PCDHGA3: variants seen among roughly 807,000 people sequenced by gnomAD.
PCDHGA3 encodes protocadherin gamma subfamily A, 3.
Under a neutral mutation model 58.5 loss-of-function variants are expected in PCDHGA3, and 40 were observed. The observed-to-expected ratio is 0.68, with a 90% CI of 0.53 to 0.89. PCDHGA3 has a LOEUF of 0.89. PCDHGA3 is among the 40% of genes least tolerant of loss of function. The pLI is 0.00. For synonymous variants in PCDHGA3, 530 were observed against 525.7 expected, an observed-to-expected ratio of 1.01 and a Z score of -0.11; for missense variants, 1,223 against 1,195.9, an observed-to-expected ratio of 1.02 and a Z score of -0.33.
chr5:141,423,762 G>GT, intron 1 of PCDHGA3: 1 of 264,254 alleles, frequency 3.8e-6, no homozygotes, highest in Non-Finnish European at 5.6e-6. Context: ...GGGGGGGGGT[G>GT]GGGCGGCATA....
intron 1 of PCDHGA3, among the ~76,000 whole-genome samples, chr5:141,348,890 T>G (rs1469503351): frequency 6.6e-6 from 1 of 152,164 alleles, no homozygotes; most frequent in African/African-American, 2.4e-5. Flanking sequence ...TCTCATTTGG[T>G]AATGCATTTG....
intron 2 of PCDHGA3, among the ~76,000 whole-genome samples, chr5:141,500,421 G>A (rs1247202322): frequency 6.6e-6 from 1 of 151,852 alleles, no homozygotes; most frequent in Non-Finnish European, 1.5e-5. Flanking sequence ...GTGTTAGCCA[G>A]GATGGTCTCG....
In PCDHGA3 at chr5:141,376,687, T is replaced by G. The variant is rs1033908230; in HGVS notation, c.2424+30230T>G. On this transcript the variant is annotated intron_variant, in intron 1 of 3. Coordinates refer to ENST00000253812, the MANE Select transcript of PCDHGA3 (RefSeq NM_018916.4). ...CAGGTGAGGGTATCGTTTTTTTTTT[T>G]TTTTTTTTTTGAGACGGAGTCTCGC... The G allele has an allele frequency of 1.3e-4, 108 of 822,468 alleles. 3 individuals are homozygous for G. The highest frequency in any genetic ancestry group is 8.8e-4 in the East Asian group (32 of 36,212). 50.9% of individuals were successfully genotyped at this position (822,468 alleles called of 1,614,324 possible).
At chr5:141,365,669 G>C (rs1304025932) in intron 1 of PCDHGA3, 1 of 1,613,344 alleles carries the variant, frequency 6.2e-7, no homozygotes, top group Admixed American at 1.7e-5. Flanking sequence ...AGACGTTAAT[G>C]ACAACCCACC....
At position 141,399,586 on chromosome 5, in the gene PCDHGA3, A is replaced by G. The variant is rs751097540; in HGVS notation, c.2424+53129A>G. The G allele has an allele frequency of 6.2e-6, 10 of 1,613,830 alleles. No individual in the cohort carries two copies. The East Asian group carries it at 1.3e-4, about 22-fold the overall frequency. Reference sequence around the variant, plus strand: ...GTTGAACGGCCAAGTCTCCTACTCTATCATGGCCAGCGACCTAGAGCCTCT... The same window carrying G: ...GTTGAACGGCCAAGTCTCCTACTCTGTCATGGCCAGCGACCTAGAGCCTCT... On this transcript the variant is annotated intron_variant, in intron 1 of 3. Coordinates refer to ENST00000253812, the MANE Select transcript of PCDHGA3 (RefSeq NM_018916.4).
intron 2 of PCDHGA3, 22 bp downstream of exon 2, chr5:141,494,887 C>T (rs116522768): frequency 0.014 from 22,125 of 1,614,118 alleles, 208 homozygotes; most frequent in Middle Eastern, 0.021. Context: ...ATTCTCCAGC[C>T]CACCCTCTTC....
At chr5:141,372,562 C>G in intron 1 of PCDHGA3, 1 of 1,614,054 alleles carries the variant, frequency 6.2e-7, no homozygotes. Context: ...AGACCCGCCA[C>G]TGAGGGCTAC....
At chr5:141,425,173 T>A (rs182492696) in intron 1 of PCDHGA3, among the ~76,000 whole-genome samples, 5 of 152,284 alleles carry the variant, frequency 3.3e-5, no homozygotes, top group Admixed American at 3.3e-4. Context: ...GGATTTATAC[T>A]TGTGGAATTC....
At chr5:141,393,147 G>A in intron 1 of PCDHGA3, 2 of 1,613,298 alleles carry the variant, frequency 1.2e-6, no homozygotes, top group Non-Finnish European at 1.7e-6. Flanking sequence ...CCTGGTTGAG[G>A]ATAAAGGAAA....
intron 1 of PCDHGA3, chr5:141,384,561 C>T (rs778010622): frequency 3.7e-6 from 6 of 1,614,254 alleles, no homozygotes; most frequent in Admixed American, 3.3e-5. Context: ...TCGTGCTGGA[C>T]CAGAATGACA....
At position 141,490,979 on chromosome 5, in the gene PCDHGA3, C is replaced by T. The variant is rs1217345302; in HGVS notation, c.2425-3828C>T. 6.2e-7 allele frequency: 1 copy of T among 1,614,086 alleles called. No individual in the cohort carries two copies. The highest frequency in any genetic ancestry group is 8.5e-7 in the Non-Finnish European group (1 of 1,180,014). ...GAACACTCAGCCCCCCAGCGTCTCC[C>T]TCGCTCTGCTCCTCCTGGCTCCTTG... On this transcript the variant is annotated intron_variant, in intron 1 of 3. Transcript: ENST00000253812. This position sits in a 1 kb window ranked among gnomAD's most constrained non-coding sequence, Gnocchi z 5.4.
At position 141,394,582 on chromosome 5, in the gene PCDHGA3, A is replaced by C. The variant is rs1459158771; in HGVS notation, c.2424+48125A>C. The C allele has an allele frequency of 2.5e-6, 4 of 1,613,598 alleles. No individual in the cohort carries two copies. In the African/African-American group the frequency reaches 4.0e-5, roughly 16 times the overall value. ...GCAGAGCGTGGCTACCTGGTGACCA[A>C]GGTGGTGGCGGTGGACAGAGACTCG... On this transcript the variant is annotated intron_variant, in intron 1 of 3. Coordinates refer to ENST00000253812, the MANE Select transcript of PCDHGA3 (RefSeq NM_018916.4).
intron 1 of PCDHGA3, chr5:141,393,918 T>C: frequency 6.2e-7 from 1 of 1,613,982 alleles, no homozygotes; most frequent in Non-Finnish European, 8.5e-7. Context: ...AATTGCCTTC[T>C]TGAGTGTGCA....
At chr5:141,400,303 G>T (rs2094000375) in intron 1 of PCDHGA3, 1 of 1,613,908 alleles carries the variant, frequency 6.2e-7, no homozygotes, top group Non-Finnish European at 8.5e-7. Context: ...CTTCCAACCT[G>T]GTCTCTGTGT....
At chr5:141,365,299 T>A (rs777540442) in intron 1 of PCDHGA3, 1 of 1,614,002 alleles carries the variant, frequency 6.2e-7, no homozygotes. Flanking sequence ...TAGCTCAGGA[T>A]GGAGGCGCTC....
intron 1 of PCDHGA3, chr5:141,430,554 A>G (rs372392559): frequency 3.2e-5 from 13 of 411,906 alleles, no homozygotes; most frequent in Admixed American, 4.0e-5. Context: ...CTGTTCACCA[A>G]TCGGGGAGAG....
chr5:141,387,668 A>C, intron 1 of PCDHGA3: 1 of 689,820 alleles, frequency 1.4e-6, no homozygotes, highest in Non-Finnish European at 2.4e-6. Flanking sequence ...GGCGCTCCAG[A>C]TCTCCTCGCG....
intron 2 of PCDHGA3, among the ~76,000 whole-genome samples, chr5:141,504,039 AC>A (rs1396515708): frequency 6.6e-6 from 1 of 152,184 alleles, no homozygotes; most frequent in African/African-American, 2.4e-5. Context: ...CATTTAGGCA[AC>A]AAATATTTAT....
At chr5:141,455,607 G>A (rs2098827849) in intron 1 of PCDHGA3, among the ~76,000 whole-genome samples, 1 of 152,248 alleles carries the variant, frequency 6.6e-6, no homozygotes, top group East Asian at 1.9e-4. Context: ...GGGCGCCATG[G>A]ATGTTCTAAA....
Sources: allele counts gnomAD v4.1 joint callset (sites outside exome capture counted in the v4.1 genomes callset), GRCh38; gene constraint gnomAD v4.1.1; non-coding constraint Gnocchi (gnomAD v3.1); transcripts MANE v1.5; gene names NCBI Gene and HGNC (gene_info 2026-07-23, HGNC 2026-07-21).